Variants in SLC12A6 observed in about 807,000 individuals in gnomAD.
SLC12A6 encodes solute carrier family 12 member 6.
In SLC12A6, 66 loss-of-function variants were observed where a neutral mutation model predicts 135.3. The ratio of observed to expected loss-of-function variants is 0.49; its 90% CI spans 0.40 to 0.60. The LOEUF (loss-of-function observed/expected upper bound fraction) is 0.60, where lower values mean the gene tolerates loss of function less well. SLC12A6 is among the 20% of genes least tolerant of loss of function. The pLI is 0.00. For missense variants in SLC12A6, 1,058 were observed against 1,452.3 expected (o/e 0.73, Z 4.41); for synonymous variants, 513 against 508.8 (o/e 1.01, Z -0.11).
rs111330611 is a variant in SLC12A6, at chr15:34,317,750, C to T, written c.271+18660G>A. Among the ~76,000 whole-genome samples the T allele has an allele frequency of 9.5e-3, 1,447 of 152,104 alleles. 32 individuals are homozygous for T. Among genetic ancestry groups the T allele is most frequent in the African/African-American group, 0.033 (1,372 of 41,486 alleles). ...TAAAAGTAATTTTGAGAGCTTATTCCCTTATTCTTAATTCATATAACTAAA... is the reference window on the plus strand; with the variant it reads ...TAAAAGTAATTTTGAGAGCTTATTCTCTTATTCTTAATTCATATAACTAAA... On this transcript the variant is annotated intron_variant, in intron 2 of 25. Transcript: ENST00000354181.
intron 2 of SLC12A6, among the ~76,000 whole-genome samples, chr15:34,293,715 T>G (rs570873068): frequency 4.0e-4 from 61 of 152,356 alleles, no homozygotes; most frequent in Non-Finnish European, 6.8e-4. Flanking sequence ...TCCCCTGGCC[T>G]AAGCCTTCCC....
Position 34,254,347 on chromosome 15 carries a change from C to T in SLC12A6, c.1118+1G>A, listed in dbSNP as rs762730861. ...GGCTAGGCAGAGAGACAGACACGTA[C>T]GGGAAGTGTGGAGGAGCAAAAGAAG... is the stretch of plus-strand genomic sequence containing the variant. On this transcript the variant is annotated splice_donor_variant, in intron 9 of 25. Transcript: ENST00000354181. LOFTEE classifies it high-confidence loss of function. 16 of 1,612,932 alleles carry T rather than the reference C, an allele frequency of 9.9e-6. No individual in the cohort carries two copies. Among genetic ancestry groups the T allele is most frequent in the Non-Finnish European group, 1.3e-5 (15 of 1,179,152 alleles).
At chr15:34,250,428 A>G (rs1477163435) in intron 12 of SLC12A6, 73 bp from the exon 13 acceptor site, 2 of 990,708 alleles carry the variant, frequency 2.0e-6, no homozygotes, top group Non-Finnish European at 3.3e-6. Context: ...CTCAGTAGAC[A>G]CTTTCTTCTG....
chr15:34,300,462 C>A (rs1441120005), intron 2 of SLC12A6, among the ~76,000 whole-genome samples: 2 of 152,074 alleles, frequency 1.3e-5, no homozygotes, highest in African/African-American at 4.8e-5. Context: ...GATTCCCCTA[C>A]TCCCCTACCC....
intron 8 of SLC12A6, 57 bp from the exon 9 acceptor site, chr15:34,254,646 G>C (rs201092587): frequency 2.2e-6 from 3 of 1,336,434 alleles, no homozygotes; most frequent in Non-Finnish European, 3.2e-6. Context: ...TAAGTAAAAA[G>C]GCTGTATTCG....
intron 1 of SLC12A6, 163 bp from the exon 2 acceptor site, chr15:34,336,915 A>G (rs1890238514): frequency 3.5e-6 from 2 of 574,570 alleles, no homozygotes; most frequent in Non-Finnish European, 6.2e-6. Flanking sequence ...AGAAAAAAAC[A>G]AAAAACAAAA....
Position 34,237,483 on chromosome 15 carries a change from T to G in SLC12A6, c.2870A>C (p.Lys957Thr). Residue 957 changes from lysine to threonine, a missense_variant, in exon 22 of 26, where the codon AAG (lysine) becomes ACG (threonine). Transcript: ENST00000354181. ...AQLEDNSIQM[K>T]KDLATFLYHL... Reference sequence around the variant, plus strand: ...ATATAGGAAGGTGGCTAGGTCCTTCTTCATTTGGATACTGTTGTCTTCTAA... The same window carrying G: ...ATATAGGAAGGTGGCTAGGTCCTTCGTCATTTGGATACTGTTGTCTTCTAA... 6.2e-7 allele frequency: 1 copy of G among 1,612,776 alleles called. No individual in the cohort carries two copies. Among genetic ancestry groups the G allele is most frequent in the Non-Finnish European group, 8.5e-7 (1 of 1,178,876 alleles).
At chr15:34,239,190 A>G in intron 19 of SLC12A6, 30 bp from the exon 20 acceptor site, 1 of 1,492,782 alleles carries the variant, frequency 6.7e-7, no homozygotes, top group East Asian at 2.3e-5. Context: ...GCAACACTGA[A>G]CTGGTTCACT....
intron 3 of SLC12A6, among the ~76,000 whole-genome samples, chr15:34,273,016 G>A (rs889477208): frequency 2.0e-5 from 3 of 152,092 alleles, no homozygotes; most frequent in Non-Finnish European, 1.5e-5. Flanking sequence ...ATATACAGAA[G>A]ACTAATTTTG....
At chr15:34,328,424 T>C (rs764621705) in intron 2 of SLC12A6, among the ~76,000 whole-genome samples, 2 of 152,204 alleles carry the variant, frequency 1.3e-5, no homozygotes, top group Non-Finnish European at 2.9e-5. Context: ...TGTTAAAATA[T>C]GGTAATGTAC....
chr15:34,269,850 T>C (rs1421174923), intron 3 of SLC12A6, among the ~76,000 whole-genome samples: 1 of 152,176 alleles, frequency 6.6e-6, no homozygotes, highest in Non-Finnish European at 1.5e-5. Flanking sequence ...GTACATGTCA[T>C]TGTCATCTGG....
Position 34,336,660 on chromosome 15 carries a change from G to A in SLC12A6, c.21C>T (p.Thr7=), listed in dbSNP as rs146902000. 73 of 1,614,106 alleles carry A rather than the reference G, an allele frequency of 4.5e-5. No individual in the cohort carries two copies. The East Asian group carries it at 1.5e-3, about 33-fold the overall frequency. MHPPET[T]TKMASVRFMV... is the part of the protein sequence containing the mutation. ...TGAACCGAACTGAAGCCATCTTGGTGGTGGTTTCTGGAGGATGCATTTTGT... is the reference window on the plus strand; with the variant it reads ...TGAACCGAACTGAAGCCATCTTGGTAGTGGTTTCTGGAGGATGCATTTTGT... Residue 7 remains threonine, a synonymous_variant, in exon 2 of 26, where the codon ACC becomes ACT. Transcript: ENST00000354181.
chr15:34,281,113 G>A (rs1439664271), intron 2 of SLC12A6, among the ~76,000 whole-genome samples: 5 of 152,172 alleles, frequency 3.3e-5, no homozygotes, highest in Non-Finnish European at 5.9e-5. Context: ...GATAAAAAAA[G>A]AGTAAGTCTA....
At chr15:34,320,535 T>A (rs1173107270) in intron 2 of SLC12A6, among the ~76,000 whole-genome samples, 1 of 151,382 alleles carries the variant, frequency 6.6e-6, no homozygotes, top group African/African-American at 2.4e-5. Context: ...AAGGTAAATA[T>A]AAAAGCACAA....
At chr15:34,236,220 C>A in intron 23 of SLC12A6, 21 bp from the exon 24 acceptor site, 9 of 1,600,498 alleles carry the variant, frequency 5.6e-6, no homozygotes, top group Middle Eastern at 1.7e-4. Context: ...AGGTCCAACA[C>A]AAGTTATTCT....
chr15:34,303,511 A>G (rs1290262853), intron 2 of SLC12A6, among the ~76,000 whole-genome samples: 1 of 152,134 alleles, frequency 6.6e-6, no homozygotes, highest in Non-Finnish European at 1.5e-5. Context: ...TATTATCAAC[A>G]CTAGTTCCTC....
intron 14 of SLC12A6, 69 bp downstream of exon 14, chr15:34,245,624 C>A (rs1295242271): frequency 7.5e-7 from 1 of 1,337,282 alleles, no homozygotes; most frequent in South Asian, 1.2e-5. Flanking sequence ...TTTCTAAGCC[C>A]ATGAAGACCA....
At chr15:34,260,890 TA>T in intron 4 of SLC12A6, 35 bp downstream of exon 4, 1 of 898,104 alleles carries the variant, frequency 1.1e-6, no homozygotes, top group Non-Finnish European at 1.9e-6. Context: ...TCTCTGTTCC[TA>T]AAGTCTCAGT....
chr15:34,274,286 T>C (rs1029463371), intron 3 of SLC12A6, among the ~76,000 whole-genome samples: 4 of 152,084 alleles, frequency 2.6e-5, no homozygotes, highest in Non-Finnish European at 4.4e-5. Flanking sequence ...TATAACACCA[T>C]TGATATAAAA....
Sources: gnomAD v4.1 joint callset for allele counts (sites outside exome capture counted in the v4.1 genomes callset) on GRCh38, gnomAD v4.1.1 for gene constraint, MANE v1.5 for transcripts, NCBI Gene and HGNC (gene_info 2026-07-23, HGNC 2026-07-21) for gene names.